AKAP6: variants seen among roughly 807,000 people sequenced by gnomAD.
AKAP6 encodes A-kinase anchoring protein 6, also known as A-kinase anchor protein 6.
Under a neutral mutation model 188.5 loss-of-function variants are expected in AKAP6, and 58 were observed. The ratio of observed to expected loss-of-function variants is 0.31; its 90% CI spans 0.25 to 0.38. The LOEUF (loss-of-function observed/expected upper bound fraction) is 0.38, where lower values mean the gene tolerates loss of function less well. Among genes scored for constraint, AKAP6 ranks in the 10% least tolerant of loss-of-function variants. AKAP6 has a pLI of 1.00. For synonymous variants in AKAP6, 989 were observed against 998.6 expected (o/e 0.99, Z 0.18); for missense variants, 2,710 against 2,740.0 (o/e 0.99, Z 0.24).
At chr14:32,667,993 A>G (rs993949580) in intron 7 of AKAP6, among the ~76,000 whole-genome samples, 1 of 152,110 alleles carries the variant, frequency 6.6e-6, no homozygotes, top group African/African-American at 2.4e-5. Flanking sequence ...GTATCTTCCT[A>G]TTATACATCT....
intron 9 of AKAP6, among the ~76,000 whole-genome samples, chr14:32,722,690 A>G (rs2030610676): frequency 6.6e-6 from 1 of 152,122 alleles, no homozygotes; most frequent in South Asian, 2.1e-4. Context: ...AGGGATGGCC[A>G]AACTCTAGGG....
chr14:32,793,680 T>A (rs1215394754), intron 12 of AKAP6, among the ~76,000 whole-genome samples: 2 of 151,800 alleles, frequency 1.3e-5, no homozygotes, highest in Non-Finnish European at 2.9e-5. Flanking sequence ...GTGGACCTCA[T>A]AGATATCTAC....
rs1883214273 is a variant in AKAP6, at chr14:32,546,686, C to G, written c.2033C>G (p.Ser678Cys). The G allele has an allele frequency of 8.1e-6, 13 of 1,614,128 alleles. 1 individual carries two copies. The East Asian group carries it at 2.7e-4, about 33-fold the overall frequency. ...DWELSEMNSD[S>C]EIYPTYHVKK... ...GAACTGTCTGAAATGAATTCAGATTCTGAAATCTATCCAACCTATCATGTC... is the reference window on the plus strand; with the variant it reads ...GAACTGTCTGAAATGAATTCAGATTGTGAAATCTATCCAACCTATCATGTC... Residue 678 changes from serine (S) to cysteine (C), a missense_variant, in exon 4 of 14, where the codon TCT becomes TGT. By Grantham distance (112) the Ser-to-Cys change is moderately radical. Around this residue, in one of 2 missense-constraint regions of AKAP6, gnomAD observed 2,473 missense variants for 2,426.1 expected, o/e 1.02. Coordinates refer to ENST00000280979, the MANE Select transcript of AKAP6 (RefSeq NM_004274.5).
In AKAP6 at chr14:32,834,965, A is replaced by C. The variant is rs2140180167; in HGVS notation, c.*5160A>C. 1 of 152,340 alleles carries C rather than the reference A, an allele frequency of 6.6e-6. No individual in the cohort carries two copies. Among genetic ancestry groups the C allele is most frequent in the South Asian group, 2.1e-4 (1 of 4,826 alleles). 9.4% of individuals were successfully genotyped at this position (152,340 alleles called of 1,614,324 possible). On this transcript the variant is annotated 3_prime_UTR_variant, in exon 14 of 14. Transcript: ENST00000280979. ...ACATTTTTTAGTAGTTAAACAAAAG[A>C]ATACTTCATGACATGTGAAAATCAT...
At chr14:32,815,137 T>C (rs1043889859) in intron 12 of AKAP6, among the ~76,000 whole-genome samples, 2 of 152,224 alleles carry the variant, frequency 1.3e-5, no homozygotes, top group African/African-American at 4.8e-5. Flanking sequence ...TTCAACTATT[T>C]CAGAATTATC....
At chr14:32,735,487 C>T (rs968410074) in intron 10 of AKAP6, among the ~76,000 whole-genome samples, 171 bp from the exon 11 acceptor site, 3 of 152,166 alleles carry the variant, frequency 2.0e-5, no homozygotes, top group South Asian at 2.1e-4. Context: ...AACTGAATGT[C>T]AGTAGTGAGG....
chr14:32,539,504 A>G (rs1037946411), intron 3 of AKAP6, among the ~76,000 whole-genome samples: 1 of 152,126 alleles, frequency 6.6e-6, no homozygotes, highest in African/African-American at 2.4e-5. Context: ...CATAGTTCAT[A>G]TTGCTGTAAA....
At chr14:32,729,945 A>G (rs567887250) in intron 9 of AKAP6, among the ~76,000 whole-genome samples, 29 of 152,278 alleles carry the variant, frequency 1.9e-4, no homozygotes, top group African/African-American at 7.0e-4. Flanking sequence ...TCACCACAGG[A>G]TAAAGTAGCC....
At position 32,722,445 on chromosome 14, in the gene AKAP6, G is replaced by A. The variant is rs368361697; in HGVS notation, c.3001-10009G>A. Among the ~76,000 whole-genome samples, 6 of 152,250 alleles carry A rather than the reference G, an allele frequency of 3.9e-5. No homozygotes were observed. In the South Asian group the frequency reaches 6.2e-4, roughly 16 times the overall value. ...TAGAAGAGGGCAGGGTCCCTGGCAA[G>A]GGCTCCACCTTCAAGCCTGGAACCG... On this transcript the variant is annotated intron_variant, in intron 9 of 13. Coordinates refer to ENST00000280979, the MANE Select transcript of AKAP6 (RefSeq NM_004274.5).
intron 4 of AKAP6, among the ~76,000 whole-genome samples, chr14:32,569,280 T>C (rs372353808): frequency 3.9e-5 from 6 of 152,240 alleles, no homozygotes; most frequent in Non-Finnish European, 8.8e-5. Flanking sequence ...ATTCAACCTT[T>C]AGAAAAGAAG....
At chr14:32,352,103 TTGTGTGTGTGTGTGTGTGTG>T (rs398024717) in intron 1 of AKAP6, among the ~76,000 whole-genome samples, 2 of 120,356 alleles carry the variant, frequency 1.7e-5, no homozygotes, top group Non-Finnish European at 3.5e-5. Flanking sequence ...GTGTGTGTGT[TTGTGTGTGTGTGTGTGTGTG>T]TGTGTGTGTG....
intron 2 of AKAP6, among the ~76,000 whole-genome samples, chr14:32,507,776 A>C (rs2139006766): frequency 6.6e-6 from 1 of 152,356 alleles, no homozygotes; most frequent in Admixed American, 6.5e-5. Context: ...TTGATCGAGC[A>C]CAGAGGAGGG....
intron 1 of AKAP6, among the ~76,000 whole-genome samples, chr14:32,416,071 T>C (rs1177349227): frequency 1.3e-5 from 2 of 152,150 alleles, no homozygotes; most frequent in African/African-American, 4.8e-5. Context: ...CAAAGGGGAA[T>C]TGCTAGCCCA....
At chr14:32,650,964 G>T (rs148434947) in intron 7 of AKAP6, among the ~76,000 whole-genome samples, 2 of 152,082 alleles carry the variant, frequency 1.3e-5, no homozygotes, top group African/African-American at 4.8e-5. Flanking sequence ...CTTTTAAGCC[G>T]TAAGGTAAGA....
chr14:32,613,208 T>C (rs1228713644), intron 7 of AKAP6, among the ~76,000 whole-genome samples: 1 of 152,238 alleles, frequency 6.6e-6, no homozygotes, highest in Non-Finnish European at 1.5e-5. Context: ...CTCAGGCATT[T>C]ATTTCCCTGC....
At position 32,717,917 on chromosome 14, in the gene AKAP6, C is replaced by T. The variant is rs149443318; in HGVS notation, c.3001-14537C>T. 2.6e-5 allele frequency among the ~76,000 whole-genome samples: 4 copies of T among 152,170 alleles called. No homozygotes were observed. In the East Asian group the frequency reaches 5.8e-4, roughly 22 times the overall value. On this transcript the variant is annotated intron_variant, in intron 9 of 13. Transcript: ENST00000280979. ...TGTTGGGTTTTTGAGGATGAGCCTA[C>T]GCCAAATGAATCTGGCTAAAGAGGT...
rs908291859 is a variant in AKAP6, at chr14:32,568,257, A to G, written c.2347-8863A>G. Among the ~76,000 whole-genome samples the G allele has an allele frequency of 1.3e-5, 2 of 152,194 alleles. No individual in the cohort carries two copies. Among genetic ancestry groups the G allele is most frequent in the African/African-American group, 4.8e-5 (2 of 41,456 alleles). Reference sequence around the variant, plus strand: ...TCTGGTTAGAGAGAGAATATAGCACAGTAGTCCAGAGCTTAGACCCTGGAA... The same window carrying G: ...TCTGGTTAGAGAGAGAATATAGCACGGTAGTCCAGAGCTTAGACCCTGGAA... On this transcript the variant is annotated intron_variant, in intron 4 of 13. Coordinates refer to ENST00000280979, the MANE Select transcript of AKAP6 (RefSeq NM_004274.5). This position sits in a 1 kb window ranked among gnomAD's most constrained non-coding sequence, Gnocchi z 6.2.
At chr14:32,502,280 G>A (rs957768837) in intron 2 of AKAP6, among the ~76,000 whole-genome samples, 2 of 152,228 alleles carry the variant, frequency 1.3e-5, no homozygotes, top group South Asian at 2.1e-4. Flanking sequence ...ATGGAGAAAT[G>A]AGATAAATAT....
chr14:32,700,220 C>T (rs1167173363), intron 9 of AKAP6, among the ~76,000 whole-genome samples: 1 of 152,088 alleles, frequency 6.6e-6, no homozygotes, highest in African/African-American at 2.4e-5. Context: ...GAGGGTGTGC[C>T]CTATCAGAGG....
Sources: gnomAD v4.1 joint callset for allele counts (sites outside exome capture counted in the v4.1 genomes callset) on GRCh38, gnomAD v4.1.1 for gene constraint, gnomAD v4.1.1 regional missense constraint, Gnocchi (gnomAD v3.1) non-coding constraint, MANE v1.5 for transcripts, NCBI Gene and HGNC (gene_info 2026-07-23, HGNC 2026-07-21) for gene names.